The following LTBP1 variants were observed in gnomAD, a reference collection of about 807,000 sequenced individuals.
LTBP1 encodes latent transforming growth factor beta binding protein 1.
In LTBP1, 129 loss-of-function variants were observed where a neutral mutation model predicts 207.6. The observed-to-expected ratio is 0.62, with a 90% CI of 0.54 to 0.72. The LOEUF (loss-of-function observed/expected upper bound fraction) is 0.72. Ranked by LOEUF, LTBP1 falls within the 30% of genes least tolerant of loss-of-function variation. LTBP1 has a pLI of 0.00. For missense variants in LTBP1, 2,281 were observed against 2,217.2 expected (o/e 1.03, Z -0.58); for synonymous variants, 963 against 833.7 (o/e 1.16, Z -2.67).
chr2:33,230,790 A>T (rs1381680490), intron 9 of LTBP1, among the ~76,000 whole-genome samples: 2 of 152,190 alleles, frequency 1.3e-5, no homozygotes, highest in African/African-American at 2.4e-5. Context: ...CTGTTGAGTG[A>T]TTTTATTAAA....
chr2:33,106,608 C>CT (rs1267105433), intron 3 of LTBP1, among the ~76,000 whole-genome samples: 9 of 151,424 alleles, frequency 5.9e-5, no homozygotes, highest in East Asian at 1.9e-4. Flanking sequence ...GAAAGGAAAT[C>CT]TTTTTCTTTT....
chr2:33,067,273 G>A (rs1053451423), intron 3 of LTBP1, among the ~76,000 whole-genome samples: 10 of 152,322 alleles, frequency 6.6e-5, no homozygotes, highest in Non-Finnish European at 1.0e-4. Flanking sequence ...AGTTGATAAT[G>A]AATTCAACAT....
chr2:33,316,020 T>C (rs1054681154), intron 24 of LTBP1, among the ~76,000 whole-genome samples: 5 of 152,238 alleles, frequency 3.3e-5, no homozygotes, highest in African/African-American at 1.2e-4. Context: ...AATATCCTTA[T>C]TTCCAAGGCA....
At chr2:33,053,279 A>G (rs1234272020) in intron 3 of LTBP1, among the ~76,000 whole-genome samples, 3 of 152,164 alleles carry the variant, frequency 2.0e-5, no homozygotes, top group Admixed American at 6.5e-5. Context: ...CCCGTCCCAT[A>G]GGCATAGCTT....
chr2:33,321,363 G>A (rs982749676), intron 24 of LTBP1, among the ~76,000 whole-genome samples: 4 of 152,262 alleles, frequency 2.6e-5, no homozygotes, highest in East Asian at 1.9e-4. Context: ...TTGCCAATGC[G>A]TTGACGTGTA....
intron 3 of LTBP1, among the ~76,000 whole-genome samples, chr2:33,082,224 A>G (rs1178692811): frequency 6.6e-6 from 1 of 151,912 alleles, no homozygotes; most frequent in Non-Finnish European, 1.5e-5. Flanking sequence ...TTCTGCCATG[A>G]GATTGTTGCA....
At chr2:33,347,808 G>A (rs991701125) in intron 26 of LTBP1, among the ~76,000 whole-genome samples, 6 of 152,190 alleles carry the variant, frequency 3.9e-5, no homozygotes, top group Non-Finnish European at 7.3e-5. Flanking sequence ...AAAACTTAGA[G>A]AGCTATCAGC....
intron 5 of LTBP1, among the ~76,000 whole-genome samples, chr2:33,162,321 A>T (rs1029527214): frequency 6.6e-6 from 1 of 152,194 alleles, no homozygotes; most frequent in Non-Finnish European, 1.5e-5. Flanking sequence ...TTCTTCCTTA[A>T]TCATTATTTT....
chr2:33,243,606 A>C (rs1255081804), intron 9 of LTBP1, 56 bp from the exon 10 acceptor site: 3 of 1,582,676 alleles, frequency 1.9e-6, no homozygotes, highest in Non-Finnish European at 2.6e-6. Context: ...ATGTATAGCC[A>C]GAATCTGCTC....
intron 9 of LTBP1, among the ~76,000 whole-genome samples, chr2:33,241,319 TC>T (rs1159081056): frequency 6.6e-6 from 1 of 152,232 alleles, no homozygotes; most frequent in African/African-American, 2.4e-5. Flanking sequence ...TTCTGTTTCT[TC>T]CTGTCTATAC....
rs929964136 is a variant in LTBP1, at chr2:33,206,613, C to T, written c.1702-10939C>T. Among the ~76,000 whole-genome samples the T allele has an allele frequency of 9.9e-5, 15 of 152,130 alleles. 1 individual carries two copies. The South Asian group carries it at 1.0e-3, about 11-fold the overall frequency. The stretch of plus-strand genomic sequence containing the variant: ...AAACTAGCCGGGCGTGGTGGCAGCA[C>T]CTGTAGTCCCAGCTACTCAGGAGGC... On this transcript the variant is annotated intron_variant, in intron 7 of 33. Transcript: ENST00000404816.
chr2:33,082,432 CTTTTTTTTTTTTTTT>C (rs56058653), intron 3 of LTBP1, among the ~76,000 whole-genome samples: 3 of 29,320 alleles, frequency 1.0e-4, no homozygotes, highest in African/African-American at 3.3e-4. Context: ...GTATGACTCA[CTTTTTTTTTTTTTTT>C]TTTTTTTTTT....
intron 5 of LTBP1, among the ~76,000 whole-genome samples, chr2:33,137,109 T>C (rs1290343643): frequency 6.6e-6 from 1 of 152,234 alleles, no homozygotes; most frequent in Non-Finnish European, 1.5e-5. Flanking sequence ...ATGGTAATTT[T>C]ATAGAACTTA....
intron 9 of LTBP1, among the ~76,000 whole-genome samples, chr2:33,243,324 C>T (rs1286538381): frequency 6.6e-6 from 1 of 152,176 alleles, no homozygotes; most frequent in Non-Finnish European, 1.5e-5. Context: ...GTCAGTGCTT[C>T]TAGAGTGAGA....
chr2:33,099,996 T>A (rs2079627331), intron 3 of LTBP1, among the ~76,000 whole-genome samples: 1 of 152,062 alleles, frequency 6.6e-6, no homozygotes, highest in Non-Finnish European at 1.5e-5. Context: ...GGTGGAGAGT[T>A]CAATAAAACA....
At chr2:33,154,705 T>C (rs764231972) in intron 5 of LTBP1, among the ~76,000 whole-genome samples, 5 of 152,182 alleles carry the variant, frequency 3.3e-5, no homozygotes, top group Non-Finnish European at 7.4e-5. Flanking sequence ...AGAAACAAAA[T>C]TGCTGCATCA....
At chr2:32,959,615 A>G (rs180963501) in intron 2 of LTBP1, among the ~76,000 whole-genome samples, 2 of 37,708 alleles carry the variant, frequency 5.3e-5, no homozygotes, top group African/African-American at 1.7e-4. Flanking sequence ...ATATATATAT[A>G]TATATATTTT....
chr2:33,309,675 T>G lies in LTBP1; in HGVS notation c.3604+119T>G, dbSNP rs530164123. 6 of 1,214,796 alleles carry G rather than the reference T, an allele frequency of 4.9e-6. No homozygotes were observed. The East Asian group carries it at 1.5e-4, about 31-fold the overall frequency. The allele number at this position is 1,214,796 out of a possible 1,614,324, so 75.3% of individuals were successfully genotyped here. On this transcript the variant is annotated intron_variant, in intron 23 of 33. Coordinates refer to ENST00000404816, the MANE Select transcript of LTBP1 (RefSeq NM_206943.4). ...TTATATGTAAATAATTTATGTCAAT[T>G]TTTGATATTAAAATAGCTGTCTTGG...
rs35334788 is a variant in LTBP1 at position 33,087,084 on chromosome 2, C to CTTTTTTTTTT, written c.864-23483_864-23474dup. On this transcript the variant is annotated intron_variant, in intron 3 of 33. Transcript: ENST00000404816. ...AGCACCAGGCTGTCCCTCCTTTATG[C>CTTTTTTTTTT]TTTTTTTTTTTTTTTTTTTTTTTTG... 5.4e-3 allele frequency among the ~76,000 whole-genome samples: 480 copies of CTTTTTTTTTT among 88,890 alleles called. 51 individuals carry two copies. Among genetic ancestry groups the CTTTTTTTTTT allele is most frequent in the Non-Finnish European group, 8.2e-3 (398 of 48,306 alleles). The allele number at this position is 88,890 out of a possible 152,430, so 58.3% of individuals were successfully genotyped here.
Sources: gnomAD v4.1 joint callset for allele counts (sites outside exome capture counted in the v4.1 genomes callset) on GRCh38, gnomAD v4.1.1 for gene constraint, MANE v1.5 for transcripts, NCBI Gene and HGNC (gene_info 2026-07-23, HGNC 2026-07-21) for gene names.